TMED3: variants seen among roughly 807,000 people sequenced by gnomAD.
TMED3 encodes transmembrane emp24 domain-containing protein 3.
In TMED3, 9 loss-of-function variants were observed where a neutral mutation model predicts 15.0. The ratio of observed to expected loss-of-function variants is 0.60; its 90% CI spans 0.36 to 1.04. TMED3 has a LOEUF of 1.04. Ranked by LOEUF, TMED3 falls within the 50% of genes least tolerant of loss-of-function variation. The probability of loss-of-function intolerance (pLI) is 0.01; values close to 1 mark genes in which losing one functional copy is unlikely to be tolerated. For synonymous variants in TMED3, 117 were observed against 121.4 expected, an observed-to-expected ratio of 0.96 and a Z score of 0.24; for missense variants, 267 against 278.9, an observed-to-expected ratio of 0.96 and a Z score of 0.30.
At chr15:79,344,680 A>G (rs1182380645) in intron 2 of TMED3, among the ~76,000 whole-genome samples, 1 of 152,210 alleles carries the variant, frequency 6.6e-6, no homozygotes, top group African/African-American at 2.4e-5. Flanking sequence ...TTCCAGGAAG[A>G]CATGAATTTG....
intron 2 of TMED3, among the ~76,000 whole-genome samples, chr15:79,320,521 G>A (rs8029721): frequency 0.99 from 150,210 of 152,200 alleles, 74,159 homozygotes; most frequent in East Asian, 1. Flanking sequence ...AGAGTGACTT[G>A]GTCTTTTCTA....
chr15:79,334,177 A>G (rs1244973680), intron 2 of TMED3, among the ~76,000 whole-genome samples: 1 of 152,206 alleles, frequency 6.6e-6, no homozygotes, highest in African/African-American at 2.4e-5. Flanking sequence ...ACCCAAGCAA[A>G]TAAGAGTAAA....
At chr15:79,339,453 C>G (rs555921226) in intron 2 of TMED3, among the ~76,000 whole-genome samples, 35 of 152,206 alleles carry the variant, frequency 2.3e-4, no homozygotes, top group African/African-American at 8.4e-4. Context: ...GACCCACCGA[C>G]CCTGTGGGGC....
Position 79,313,945 on chromosome 15 carries a change from A to G in TMED3, c.357A>G (p.Gln119=), listed in dbSNP as rs930420062. 1.2e-6 allele frequency: 2 copies of G among 1,614,060 alleles called. No individual in the cohort carries two copies. The highest frequency in any genetic ancestry group is 2.7e-5 in the African/African-American group (2 of 74,920). Residue 119 remains glutamine, a synonymous_variant, in exon 2 of 3, where the codon CAA becomes CAG. Coordinates refer to ENST00000299705, the MANE Select transcript of TMED3 (RefSeq NM_007364.4). Reference sequence around the variant, plus strand: ...ACAAGACCGTCTACTTTGACTTTCAAGTGGGCGATGAGCCTCCCATTCTCC... The same window carrying G: ...ACAAGACCGTCTACTTTGACTTTCAGGTGGGCGATGAGCCTCCCATTCTCC... ...FSHKTVYFDF[Q]VGDEPPILPD...
chr15:79,366,824 G>A (rs1487796719), intron 2 of TMED3, among the ~76,000 whole-genome samples: 1 of 152,198 alleles, frequency 6.6e-6, no homozygotes, highest in Non-Finnish European at 1.5e-5. Flanking sequence ...CTTTGAGGAA[G>A]GAGTTGGACT....
chr15:79,401,686 A>G (rs1893836149), intron 2 of TMED3, among the ~76,000 whole-genome samples: 2 of 152,206 alleles, frequency 1.3e-5, no homozygotes, highest in Admixed American at 1.3e-4. Flanking sequence ...GTAGTGCGAA[A>G]GAGTTACTTC....
At chr15:79,311,768 C>T (rs1007680505) in intron 1 of TMED3, among the ~76,000 whole-genome samples, 4 of 152,188 alleles carry the variant, frequency 2.6e-5, no homozygotes, top group African/African-American at 9.6e-5. Context: ...CACAGGCTCT[C>T]TAACCCCAGT....
intron 2 of TMED3, among the ~76,000 whole-genome samples, chr15:79,351,745 A>C (rs4622494): frequency 0.48 from 72,913 of 151,910 alleles, 18,138 homozygotes; most frequent in African/African-American, 0.62. Context: ...TAGGAAAAGA[A>C]GTCATTATAT....
At chr15:79,334,388 G>A (rs2058819968) in intron 2 of TMED3, among the ~76,000 whole-genome samples, 1 of 152,150 alleles carries the variant, frequency 6.6e-6, no homozygotes, top group African/African-American at 2.4e-5. Flanking sequence ...CAGCATCTAG[G>A]GGCCATGTGT....
chr15:79,371,289 T>G (rs985340517), intron 2 of TMED3, among the ~76,000 whole-genome samples: 7 of 152,208 alleles, frequency 4.6e-5, no homozygotes, highest in African/African-American at 1.7e-4. Context: ...GATGTGGCTA[T>G]GTTAAGAAAA....
chr15:79,318,879 C>G (rs140794106), intron 2 of TMED3, among the ~76,000 whole-genome samples: 1 of 152,166 alleles, frequency 6.6e-6, no homozygotes, highest in African/African-American at 2.4e-5. Context: ...TTTGGAAGTT[C>G]CCTTTGGAGT....
chr15:79,312,352 T>C (rs1286988906), intron 1 of TMED3, among the ~76,000 whole-genome samples: 1 of 152,154 alleles, frequency 6.6e-6, no homozygotes, highest in East Asian at 1.9e-4. Context: ...ACATGCAAAT[T>C]GTGACTGGGT....
intron 2 of TMED3, among the ~76,000 whole-genome samples, chr15:79,408,469 T>C (rs1226497746): frequency 6.6e-6 from 1 of 152,220 alleles, no homozygotes; most frequent in Admixed American, 6.5e-5. Flanking sequence ...GGAAGTGATA[T>C]TTAAAGCTGT....
At chr15:79,382,608 C>T (rs1465472614) in intron 2 of TMED3, among the ~76,000 whole-genome samples, 2 of 152,206 alleles carry the variant, frequency 1.3e-5, no homozygotes, top group African/African-American at 2.4e-5. Context: ...CTGTGTCTGC[C>T]CTTCACAATT....
chr15:79,367,169 C>T (rs1893252197), intron 2 of TMED3, among the ~76,000 whole-genome samples: 1 of 152,164 alleles, frequency 6.6e-6, no homozygotes, highest in Non-Finnish European at 1.5e-5. Context: ...CCAAATGCAT[C>T]TCATATGGTG....
intron 2 of TMED3, 39 bp downstream of exon 2, chr15:79,314,044 T>C (rs1487414901): frequency 1.7e-5 from 27 of 1,606,734 alleles, no homozygotes; most frequent in Non-Finnish European, 2.0e-5. Context: ...CTGAACCCCC[T>C]AGCGTGTTCC....
At chr15:79,320,093 G>A (rs1360043798) in intron 2 of TMED3, among the ~76,000 whole-genome samples, 1 of 152,198 alleles carries the variant, frequency 6.6e-6, no homozygotes, top group African/African-American at 2.4e-5. Context: ...TAAGTAGCGG[G>A]TGTTTTTCCT....
At chr15:79,407,786 C>T (rs559211849) in intron 2 of TMED3, among the ~76,000 whole-genome samples, 1 of 152,280 alleles carries the variant, frequency 6.6e-6, no homozygotes, top group African/African-American at 2.4e-5. Flanking sequence ...TGACAGGAAA[C>T]GTTTGCTCAC....
At chr15:79,411,845 C>T in exon 3 of TMED3, 1 of 251,934 alleles carries the variant, frequency 4.0e-6, no homozygotes, top group Non-Finnish European at 8.0e-6. Context: ...GGACAGCCAT[C>T]CCTCTAGGCT....
Sources: gnomAD v4.1 joint callset for allele counts (sites outside exome capture counted in the v4.1 genomes callset) on GRCh38, gnomAD v4.1.1 for gene constraint, MANE v1.5 for transcripts, NCBI Gene and HGNC (gene_info 2026-07-23, HGNC 2026-07-21) for gene names.